The following NPAS3 variants were observed in gnomAD, a reference collection of about 807,000 sequenced individuals.
NPAS3 encodes neuronal PAS domain-containing protein 3.
Under a neutral mutation model 73.1 loss-of-function variants are expected in NPAS3, and 14 were observed. The observed-to-expected ratio is 0.19, with a 90% confidence interval of 0.13 to 0.30. The LOEUF is 0.30. NPAS3 is among the 10% of genes least tolerant of loss of function. NPAS3 has a pLI of 1.00. For synonymous variants in NPAS3, 620 were observed against 541.5 expected (o/e 1.14, Z -2.01); for missense variants, 1,096 against 1,250.0 (o/e 0.88, Z 1.86).
intron 1 of NPAS3, among the ~76,000 whole-genome samples, chr14:33,051,256 G>A (rs2040695606): frequency 7.2e-6 from 1 of 139,734 alleles, no homozygotes; most frequent in African/African-American, 2.9e-5. Flanking sequence ...AGTCCGGCCT[G>A]GGCAACAGAG....
At chr14:33,761,391 CT>C (rs2062283628) in intron 7 of NPAS3, among the ~76,000 whole-genome samples, 1 of 152,018 alleles carries the variant, frequency 6.6e-6, no homozygotes, top group Non-Finnish European at 1.5e-5. Flanking sequence ...GCACTGATTA[CT>C]TCATTAGAAC....
At chr14:33,288,113 G>A (rs554922584) in intron 3 of NPAS3, among the ~76,000 whole-genome samples, 1 of 152,222 alleles carries the variant, frequency 6.6e-6, no homozygotes, top group Non-Finnish European at 1.5e-5. Flanking sequence ...GTCCAGAAGA[G>A]GAAACTGATT....
At chr14:33,345,679 T>C (rs2044693788) in intron 3 of NPAS3, among the ~76,000 whole-genome samples, 1 of 152,218 alleles carries the variant, frequency 6.6e-6, no homozygotes, top group African/African-American at 2.4e-5. Context: ...ATTAAACTTT[T>C]ATGACTCTGC....
At position 33,609,792 on chromosome 14, in the gene NPAS3, T is replaced by C. The variant is rs145828806; in HGVS notation, c.558+49582T>C. Among the ~76,000 whole-genome samples, 1,200 of 152,260 alleles carry C rather than the reference T, an allele frequency of 7.9e-3. 18 individuals carry two copies. The highest frequency in any genetic ancestry group is 0.027 in the African/African-American group (1,138 of 41,550). On this transcript the variant is annotated intron_variant, in intron 5 of 11. Coordinates refer to ENST00000356141, the Ensembl canonical transcript of NPAS3. ...TGGGCACTGATGCCTCATTACACAC[T>C]GTTCCTCCCATTCTGCAGCGCCGAG...
At chr14:33,189,127 T>C (rs2046079986) in intron 2 of NPAS3, among the ~76,000 whole-genome samples, 1 of 152,222 alleles carries the variant, frequency 6.6e-6, no homozygotes, top group Non-Finnish European at 1.5e-5. Context: ...TGAATCTTTT[T>C]ATGCCAAGGA....
chr14:33,358,950 A>T lies in NPAS3; in HGVS notation c.386-8236A>T, dbSNP rs933736747. Among the ~76,000 whole-genome samples the T allele has an allele frequency of 1.1e-4, 17 of 150,576 alleles. 1 individual carries two copies. The highest frequency in any genetic ancestry group is 2.5e-4 in the Non-Finnish European group (17 of 67,788). On this transcript the variant is annotated intron_variant, in intron 3 of 11. Coordinates refer to ENST00000356141, the Ensembl canonical transcript of NPAS3. Reference sequence around the variant, plus strand: ...GATTGTTGAGCTTTGGAAATTTATCAGAGTGACCTTTCAATAGCAGGTGCT... The same window carrying T: ...GATTGTTGAGCTTTGGAAATTTATCTGAGTGACCTTTCAATAGCAGGTGCT...
At chr14:33,429,555 A>G (rs959394095) in intron 4 of NPAS3, among the ~76,000 whole-genome samples, 4 of 152,200 alleles carry the variant, frequency 2.6e-5, no homozygotes, top group Admixed American at 2.6e-4. Context: ...AGGTGTCACC[A>G]TTAATGAAAA....
chr14:33,451,773 G>GTA (rs1281203966), intron 4 of NPAS3, among the ~76,000 whole-genome samples: 1 of 152,146 alleles, frequency 6.6e-6, no homozygotes, highest in African/African-American at 2.4e-5. Context: ...GAGAAAGGAT[G>GTA]TAAGTCTCCT....
At chr14:32,936,930 C>CT (rs35877969), upstream of NPAS3, among the ~76,000 whole-genome samples, 37,567 of 139,612 alleles carry the variant, frequency 0.27, 5,551 homozygotes, top group Middle Eastern at 0.41. Context: ...AAGACTAAGG[C>CT]TTTTTTTTTT....
intron 2 of NPAS3, among the ~76,000 whole-genome samples, chr14:33,110,552 C>A (rs2042858369): frequency 6.6e-6 from 1 of 152,140 alleles, no homozygotes; most frequent in African/African-American, 2.4e-5. Flanking sequence ...GGGTACCTTA[C>A]AGTACTAATA....
chr14:33,503,134 G>A (rs1489355878), intron 4 of NPAS3, among the ~76,000 whole-genome samples: 5 of 151,736 alleles, frequency 3.3e-5, no homozygotes, highest in African/African-American at 1.2e-4. Context: ...TAAAATGATG[G>A]CAGAAAAAAA....
At chr14:33,490,399 C>T (rs966888916) in intron 4 of NPAS3, among the ~76,000 whole-genome samples, 1 of 152,042 alleles carries the variant, frequency 6.6e-6, no homozygotes, top group Non-Finnish European at 1.5e-5. Context: ...TTATCATTGC[C>T]TCTGTTAATT....
At chr14:33,744,627 A>C (rs2061741047) in intron 7 of NPAS3, among the ~76,000 whole-genome samples, 1 of 151,898 alleles carries the variant, frequency 6.6e-6, no homozygotes, top group African/African-American at 2.4e-5. Flanking sequence ...GTCTCTACCA[A>C]ATATACAAAA....
At chr14:33,021,215 C>T (rs2039585715) in intron 1 of NPAS3, among the ~76,000 whole-genome samples, 1 of 152,178 alleles carries the variant, frequency 6.6e-6, no homozygotes, top group African/African-American at 2.4e-5. Context: ...TCATCATAAT[C>T]ATCATCAGCA....
At chr14:32,974,705 G>A (rs1039145670) in intron 1 of NPAS3, among the ~76,000 whole-genome samples, 1 of 152,106 alleles carries the variant, frequency 6.6e-6, no homozygotes. Flanking sequence ...GGCAGGAAGG[G>A]TGAGGGTACC....
At chr14:33,736,808 G>A (rs137990451) in intron 7 of NPAS3, among the ~76,000 whole-genome samples, 197 of 152,246 alleles carry the variant, frequency 1.3e-3, no homozygotes, top group South Asian at 3.1e-3. Context: ...TGCCAGGAGT[G>A]AGATATAGTT....
At chr14:33,092,951 C>T (rs1595431437) in intron 2 of NPAS3, among the ~76,000 whole-genome samples, 1 of 152,150 alleles carries the variant, frequency 6.6e-6, no homozygotes, top group African/African-American at 2.4e-5. Context: ...TTCCTTACAC[C>T]TTATACAAAA....
At chr14:33,664,022 T>G (rs925230733) in intron 5 of NPAS3, among the ~76,000 whole-genome samples, 1 of 151,616 alleles carries the variant, frequency 6.6e-6, no homozygotes, top group African/African-American at 2.4e-5. Flanking sequence ...TTGAAGGGGT[T>G]TTCGTGTCTC....
intron 2 of NPAS3, among the ~76,000 whole-genome samples, chr14:33,119,565 T>G (rs17461067): frequency 0.036 from 5,410 of 152,178 alleles, 137 homozygotes; most frequent in Non-Finnish European, 0.056. Context: ...ATATGTCTCC[T>G]TTGTGTGAAG....
Sources: allele counts gnomAD v4.1 joint callset (sites outside exome capture counted in the v4.1 genomes callset), GRCh38; gene constraint gnomAD v4.1.1; transcripts MANE v1.5; gene names NCBI Gene and HGNC (gene_info 2026-07-23, HGNC 2026-07-21).